Variants in KAZN observed in about 807,000 individuals in gnomAD.
KAZN encodes the protein kazrin, periplakin interacting protein, also known as kazrin.
In KAZN, 40 loss-of-function variants were observed where a neutral mutation model predicts 87.4. The observed-to-expected ratio is 0.46, with a 90% CI of 0.36 to 0.60. The LOEUF (loss-of-function observed/expected upper bound fraction) is 0.60, where lower values mean the gene tolerates loss of function less well. Ranked by LOEUF, KAZN falls within the 20% of genes least tolerant of loss-of-function variation. KAZN has a pLI of 0.00. For synonymous variants in KAZN, 466 were observed against 458.3 expected (o/e 1.02, Z -0.22); for missense variants, 898 against 1,073.9 (o/e 0.84, Z 2.29).
chr1:14,768,564 C>T (rs2100580530), intron 1 of KAZN, among the ~76,000 whole-genome samples: 2 of 152,368 alleles, frequency 1.3e-5, no homozygotes, highest in Middle Eastern at 6.8e-3. Context: ...TCCACTTCCA[C>T]TCTCCAAGGT....
intron 2 of KAZN, among the ~76,000 whole-genome samples, chr1:14,245,246 G>T (rs537519529): frequency 6.6e-6 from 1 of 151,918 alleles, no homozygotes; most frequent in Non-Finnish European, 1.5e-5. Flanking sequence ...GGAGGCTCTG[G>T]CTTTTCCCCA....
intron 4 of KAZN, among the ~76,000 whole-genome samples, chr1:15,049,281 C>T (rs922958220): frequency 6.6e-6 from 1 of 152,232 alleles, no homozygotes; most frequent in Non-Finnish European, 1.5e-5. Flanking sequence ...CCTGGGAGCC[C>T]GGCTCACACG....
chr1:14,557,804 G>A (rs974668529), intron 2 of KAZN, among the ~76,000 whole-genome samples: 6 of 152,122 alleles, frequency 3.9e-5, no homozygotes, highest in Non-Finnish European at 7.3e-5. Flanking sequence ...AGAATGAAGA[G>A]AGTGATGGTG....
intron 1 of KAZN, among the ~76,000 whole-genome samples, chr1:14,652,500 T>TGTCC (rs1638467526): frequency 1.1e-4 from 2 of 18,320 alleles, no homozygotes; most frequent in Non-Finnish European, 9.6e-5. Flanking sequence ...CCTATCCACC[T>TGTCC]ATCTACCTAT....
intron 2 of KAZN, among the ~76,000 whole-genome samples, chr1:14,405,190 G>A (rs1262134567): frequency 1.3e-5 from 2 of 152,152 alleles, no homozygotes; most frequent in African/African-American, 2.4e-5. Flanking sequence ...CAAACTCAAC[G>A]ATTTGAAATG....
intron 1 of KAZN, among the ~76,000 whole-genome samples, chr1:14,032,918 G>T (rs567676784): frequency 6.6e-6 from 1 of 152,252 alleles, no homozygotes; most frequent in East Asian, 1.9e-4. Context: ...GATGATGGCA[G>T]TGTGAGTCCA....
chr1:14,549,100 G>C (rs757312603), intron 2 of KAZN, among the ~76,000 whole-genome samples: 14 of 152,184 alleles, frequency 9.2e-5, no homozygotes, highest in Non-Finnish European at 1.9e-4. Flanking sequence ...ATAAAAGAGC[G>C]TACATGCTGA....
chr1:14,181,486 A>G (rs931169154), intron 2 of KAZN, among the ~76,000 whole-genome samples: 2 of 152,182 alleles, frequency 1.3e-5, no homozygotes, highest in Admixed American at 6.5e-5. Context: ...TTTTATTTTT[A>G]AAATCAATCC....
At chr1:14,228,896 C>G (rs754576420) in intron 2 of KAZN, among the ~76,000 whole-genome samples, 4 of 152,172 alleles carry the variant, frequency 2.6e-5, no homozygotes, top group Non-Finnish European at 5.9e-5. Context: ...GCCTTGACCT[C>G]CCTCTTGGCT....
At chr1:14,862,067 C>T (rs952932332) in intron 1 of KAZN, among the ~76,000 whole-genome samples, 6 of 152,172 alleles carry the variant, frequency 3.9e-5, no homozygotes, top group Non-Finnish European at 7.4e-5. Flanking sequence ...ATGGAAAATC[C>T]TGACTGCCTA....
rs1002931493 is a variant in KAZN, at chr1:14,453,840, GA to G, written c.250-145133del. On this transcript the variant is annotated intron_variant, in intron 2 of 16. Coordinates refer to the KAZN transcript ENST00000636203. Reference sequence around the variant, plus strand: ...AACAGAGCAAGACTCTGTCTCAAAAGAAAAAAAAAATAGTCAATCTGCCATA... The same window carrying G: ...AACAGAGCAAGACTCTGTCTCAAAAGAAAAAAAAATAGTCAATCTGCCATA... 2.1e-4 allele frequency among the ~76,000 whole-genome samples: 31 copies of G among 146,630 alleles called. No homozygotes were observed. The East Asian group carries it at 3.6e-3, about 17-fold the overall frequency.
intron 2 of KAZN, among the ~76,000 whole-genome samples, chr1:14,485,684 G>T (rs1406317512): frequency 6.6e-6 from 1 of 152,062 alleles, no homozygotes; most frequent in Non-Finnish European, 1.5e-5. Context: ...CACAAGGTCA[G>T]GAGTAAAAGA....
intron 1 of KAZN, among the ~76,000 whole-genome samples, chr1:14,888,087 C>T (rs1654288985): frequency 6.6e-6 from 1 of 152,170 alleles, no homozygotes; most frequent in Non-Finnish European, 1.5e-5. Context: ...ATTGCCACTG[C>T]TTTAATGAGA....
intron 1 of KAZN, among the ~76,000 whole-genome samples, chr1:14,786,049 G>T (rs1215044320): frequency 6.6e-6 from 1 of 152,204 alleles, no homozygotes; most frequent in East Asian, 1.9e-4. Flanking sequence ...CCTTATGGGT[G>T]TGTGCTTAGC....
At chr1:14,782,477 GGCAGAGTTT>G (rs1645381963) in intron 1 of KAZN, among the ~76,000 whole-genome samples, 1 of 148,534 alleles carries the variant, frequency 6.7e-6, no homozygotes, top group Admixed American at 6.9e-5. Context: ...GAACCCAGGA[GGCAGAGTTT>G]GCAGTGAGCC....
intron 2 of KAZN, among the ~76,000 whole-genome samples, chr1:14,524,435 T>C (rs1386299391): frequency 6.6e-6 from 1 of 152,142 alleles, no homozygotes; most frequent in Non-Finnish European, 1.5e-5. Flanking sequence ...AAGGAGCCTG[T>C]GCCCTTGAGA....
intron 1 of KAZN, among the ~76,000 whole-genome samples, chr1:14,740,969 A>G (rs1644080440): frequency 6.6e-6 from 1 of 152,086 alleles, no homozygotes. Flanking sequence ...CTGTTCACAG[A>G]CCTGGAGGGG....
intron 2 of KAZN, among the ~76,000 whole-genome samples, chr1:14,197,722 C>A (rs748224014): frequency 2.6e-5 from 4 of 152,032 alleles, no homozygotes; most frequent in Non-Finnish European, 5.9e-5. Context: ...AAAGAAAAAC[C>A]ACCACTACCA....
At chr1:13,991,423 G>A (rs1053911685) in intron 1 of KAZN, among the ~76,000 whole-genome samples, 4 of 150,586 alleles carry the variant, frequency 2.7e-5, no homozygotes, top group African/African-American at 7.4e-5. Context: ...CATGTATCCC[G>A]GAACTTAAAG....
Sources: allele counts gnomAD v4.1 joint callset (sites outside exome capture counted in the v4.1 genomes callset), GRCh38; gene constraint gnomAD v4.1.1; transcripts MANE v1.5; gene names NCBI Gene and HGNC (gene_info 2026-07-23, HGNC 2026-07-21).